The following NAA60 variants were observed in gnomAD, a reference collection of about 807,000 sequenced individuals.
The protein encoded by NAA60 is N-alpha-acetyltransferase 60.
A neutral mutation model predicts 26.1 loss-of-function variants in NAA60; 8 were observed. That is an observed-to-expected ratio of 0.31 (90% CI 0.18 to 0.55). The LOEUF (loss-of-function observed/expected upper bound fraction) is 0.55, where lower values mean the gene tolerates loss of function less well. Ranked by LOEUF, NAA60 falls within the 20% of genes least tolerant of loss-of-function variation. The pLI is 0.93. For synonymous variants in NAA60, 131 were observed against 122.5 expected, an observed-to-expected ratio of 1.07 and a Z score of -0.46; for missense variants, 290 against 311.3, an observed-to-expected ratio of 0.93 and a Z score of 0.51.
intron 3 of NAA60, 42 bp downstream of exon 3, chr16:3,476,379 C>A: frequency 6.4e-7 from 1 of 1,554,166 alleles, no homozygotes; most frequent in Non-Finnish European, 8.8e-7. Context: ...GCCCGTGAGC[C>A]TCAGGTGCAG....
At chr16:3,469,226 A>C (rs1302089424) in intron 2 of NAA60, among the ~76,000 whole-genome samples, 2 of 152,206 alleles carry the variant, frequency 1.3e-5, no homozygotes, top group East Asian at 3.8e-4. Context: ...TTAGTGCTCT[A>C]TCCCCCCAGC....
In NAA60 at chr16:3,474,772, C is replaced by G. The variant is rs76388715; in HGVS notation, c.-6-1450C>G. 5.5e-3 allele frequency among the ~76,000 whole-genome samples: 832 copies of G among 152,304 alleles called. 8 individuals are homozygous for G. Among genetic ancestry groups the G allele is most frequent in the African/African-American group, 0.018 (751 of 41,554 alleles). ...GCCTTTCCTGATTGTTGTTTGACTC[C>G]GTCATTTCTGTTGGTGATTCCAAAA... On this transcript the variant is annotated intron_variant, in intron 2 of 7. Transcript: ENST00000407558.
intron 2 of NAA60, among the ~76,000 whole-genome samples, chr16:3,450,582 C>A (rs2034736883): frequency 6.6e-6 from 1 of 151,800 alleles, no homozygotes; most frequent in African/African-American, 2.4e-5. Flanking sequence ...CACCTGTGGT[C>A]CCAGCTACTC....
chr16:3,461,131 C>T (rs2035365528), intron 2 of NAA60, among the ~76,000 whole-genome samples: 1 of 150,858 alleles, frequency 6.6e-6, no homozygotes, highest in Admixed American at 6.6e-5. Context: ...TTATCAGAAG[C>T]CCAAATATCT....
chr16:3,483,071 C>G (rs1376843161), intron 5 of NAA60, among the ~76,000 whole-genome samples: 1 of 152,248 alleles, frequency 6.6e-6, no homozygotes, highest in East Asian at 1.9e-4. Context: ...CCATGTTTTC[C>G]TGGGCTCACA....
intron 2 of NAA60, among the ~76,000 whole-genome samples, chr16:3,472,542 G>T (rs566489574): frequency 2.6e-5 from 4 of 152,132 alleles, no homozygotes; most frequent in African/African-American, 9.6e-5. Context: ...AAGCAATTCT[G>T]TTGCCTCAGC....
In NAA60 at chr16:3,479,585, C is replaced by T. The variant is rs781586996; in HGVS notation, c.225C>T (p.Thr75=). ...TAGTAGCTGAAATTAAGAACAGGAC[C>T]AAAATACATAAAGAGGTACGTACGT... ...GMIVAEIKNR[T]KIHKEDGDIL... is the part of the protein sequence containing the mutation. Residue 75 remains threonine, a synonymous_variant, in exon 4 of 8, where the codon ACC becomes ACT. Transcript: ENST00000407558. The T allele has an allele frequency of 6.2e-7, 1 of 1,613,998 alleles. No individual in the cohort carries two copies. The highest frequency in any genetic ancestry group is 1.7e-5 in the Admixed American group (1 of 60,020).
At chr16:3,482,862 A>G in intron 5 of NAA60, 1 of 552,394 alleles carries the variant, frequency 1.8e-6, no homozygotes, top group Non-Finnish European at 3.3e-6. Flanking sequence ...CCCAGGATGG[A>G]GCTGAGGAAA....
At chr16:3,449,888 C>A (rs958447428) in intron 2 of NAA60, 6 of 388,436 alleles carry the variant, frequency 1.5e-5, no homozygotes, top group Middle Eastern at 6.4e-4. Context: ...CCATGTGAGA[C>A]ATGCCTTTTA....
intron 2 of NAA60, among the ~76,000 whole-genome samples, chr16:3,468,907 A>G (rs1360747862): frequency 9.9e-5 from 15 of 152,118 alleles, no homozygotes; most frequent in Admixed American, 9.8e-4. Context: ...GACAAGGCCA[A>G]CAACCTTGTC....
At chr16:3,444,302 T>C (rs868305296) in intron 1 of NAA60, among the ~76,000 whole-genome samples, 9 of 152,268 alleles carry the variant, frequency 5.9e-5, no homozygotes, top group African/African-American at 1.9e-4. Flanking sequence ...CTGCCACTGA[T>C]TGGTTGGTAA....
intron 2 of NAA60, among the ~76,000 whole-genome samples, chr16:3,457,441 C>G (rs2035051076): frequency 6.6e-6 from 1 of 152,220 alleles, no homozygotes; most frequent in South Asian, 2.1e-4. Flanking sequence ...GAGACCCTGT[C>G]TCAACAACAA....
chr16:3,458,090 G>A (rs1258299635), intron 2 of NAA60: 2 of 985,196 alleles, frequency 2.0e-6, no homozygotes, highest in African/African-American at 3.5e-5. Context: ...AACTCGTTGC[G>A]GGCTCCGCGC....
chr16:3,480,597 A>G (rs563793884), intron 4 of NAA60, among the ~76,000 whole-genome samples: 37 of 118,858 alleles, frequency 3.1e-4, no homozygotes, highest in African/African-American at 1.1e-3. Flanking sequence ...GACTTCGTCT[A>G]AAAAAAAAAA....
chr16:3,456,518 C>CA (rs1567366865), intron 2 of NAA60, among the ~76,000 whole-genome samples: 1 of 152,048 alleles, frequency 6.6e-6, no homozygotes, highest in Non-Finnish European at 1.5e-5. Context: ...TGCGCTTCAC[C>CA]AGTTGTTAAC....
At position 3,482,540 on chromosome 16, in the gene NAA60, A is replaced by T. The variant is rs201919310; in HGVS notation, c.279A>T (p.Thr93=). 3.1e-6 allele frequency: 5 copies of T among 1,608,656 alleles called. No homozygotes were observed. ...TAGCATCCAACTTCTCTGTTGACAC[A>T]CAAGTCGCGTACATCCTAAGTCTGG... ...DILASNFSVD[T]QVAYILSLGV... The change falls in exon 5 of 8, where the codon ACA becomes ACT. Residue 93 remains threonine (T), a synonymous_variant. Coordinates refer to ENST00000407558, the MANE Select transcript of NAA60 (RefSeq NM_001083601.3).
intron 2 of NAA60, among the ~76,000 whole-genome samples, chr16:3,457,279 C>A (rs2035039960): frequency 6.6e-6 from 1 of 151,354 alleles, no homozygotes; most frequent in African/African-American, 2.4e-5. Flanking sequence ...CATTCCCATC[C>A]CTACAAAAAA....
rs769056564 is a variant in NAA60, at chr16:3,483,550, C to T, written c.525C>T (p.Phe175=). 6.2e-7 allele frequency: 1 copy of T among 1,613,282 alleles called. No homozygotes were observed. Among genetic ancestry groups the T allele is most frequent in the South Asian group, 1.1e-5 (1 of 91,042 alleles). ...TTCGAGGGGTCCTCAAAGATGGCTTCACCTATGTCCTCTACATCAACGGCG... is the reference window on the plus strand; with the variant it reads ...TTCGAGGGGTCCTCAAAGATGGCTTTACCTATGTCCTCTACATCAACGGCG... The part of the protein sequence containing the change: ...YSIRGVLKDG[F]TYVLYINGGH... The change falls in exon 6 of 8, where the codon TTC becomes TTT. Residue 175 remains phenylalanine, a synonymous_variant. Transcript: ENST00000407558.
At chr16:3,480,548 G>C (rs1322057113) in intron 4 of NAA60, among the ~76,000 whole-genome samples, 1 of 151,154 alleles carries the variant, frequency 6.6e-6, no homozygotes, top group Admixed American at 6.6e-5. Context: ...AGTGAGCCGA[G>C]ATCGTGCCAT....
Sources: allele counts gnomAD v4.1 joint callset (sites outside exome capture counted in the v4.1 genomes callset), GRCh38; gene constraint gnomAD v4.1.1; transcripts MANE v1.5; gene names NCBI Gene and HGNC (gene_info 2026-07-23, HGNC 2026-07-21).